The following PALLD variants were observed in gnomAD, a reference collection of about 807,000 sequenced individuals.
The protein encoded by PALLD is palladin.
A neutral mutation model predicts 123.5 loss-of-function variants in PALLD; 61 were observed. That is an observed-to-expected ratio of 0.49 (90% CI 0.40 to 0.61). PALLD has a LOEUF of 0.61. Among genes scored for constraint, PALLD ranks in the 20% least tolerant of loss-of-function variants. The pLI is 0.00. For synonymous variants in PALLD, 465 were observed against 496.4 expected (o/e 0.94, Z 0.84); for missense variants, 1,273 against 1,377.0 (o/e 0.92, Z 1.20).
intron 10 of PALLD, among the ~76,000 whole-genome samples, chr4:168,781,216 G>A (rs13134292): frequency 0.53 from 79,973 of 152,016 alleles, 22,055 homozygotes; most frequent in Non-Finnish European, 0.63. Flanking sequence ...AAAATTAGGA[G>A]AATTACTGGA....
intron 10 of PALLD, among the ~76,000 whole-genome samples, chr4:168,871,521 TTGTC>T (rs1751070170): frequency 1.3e-5 from 2 of 152,202 alleles, no homozygotes; most frequent in African/African-American, 2.4e-5. Context: ...AAAATGTACT[TTGTC>T]TATGTTAAGA....
intron 2 of PALLD, among the ~76,000 whole-genome samples, chr4:168,530,124 A>G (rs903277770): frequency 2.0e-5 from 3 of 152,222 alleles, no homozygotes; most frequent in African/African-American, 7.2e-5. Flanking sequence ...ATGTACTTTG[A>G]TAGAAATGGA....
At chr4:168,623,604 A>G (rs965531983) in intron 2 of PALLD, among the ~76,000 whole-genome samples, 1 of 152,248 alleles carries the variant, frequency 6.6e-6, no homozygotes, top group South Asian at 2.1e-4. Flanking sequence ...GAAGCCCTGT[A>G]CAAGAGAGAC....
chr4:168,596,982 A>G (rs911385293), intron 2 of PALLD, among the ~76,000 whole-genome samples: 1 of 152,092 alleles, frequency 6.6e-6, no homozygotes, highest in Non-Finnish European at 1.5e-5. Context: ...TAAAAATTGA[A>G]TATTTTTTAA....
chr4:168,546,845 AG>A (rs1766183472), intron 2 of PALLD, among the ~76,000 whole-genome samples: 1 of 152,176 alleles, frequency 6.6e-6, no homozygotes, highest in African/African-American at 2.4e-5. Context: ...GATACTATAA[AG>A]CAGCCTAGGT....
rs1296868831 is a variant in PALLD at position 168,850,581 on chromosome 4, C to G, written c.1965-40341C>G. Among the ~76,000 whole-genome samples, 3 of 110,306 alleles carry G rather than the reference C, an allele frequency of 2.7e-5. No individual in the cohort carries two copies. In the Admixed American group the frequency reaches 4.2e-4, roughly 15 times the overall value. 72.4% of individuals were successfully genotyped at this position (110,306 alleles called of 152,430 possible). A position where few individuals can be genotyped will look rare whatever the true frequency, so the allele number is the denominator to read the frequency against. ...TGGAGTTTTGCTTTTGTTGCCCAGGCTGGAGTGCAATGGTGCGATCTTGGC... is the reference window on the plus strand; with the variant it reads ...TGGAGTTTTGCTTTTGTTGCCCAGGGTGGAGTGCAATGGTGCGATCTTGGC... On this transcript the variant is annotated intron_variant, in intron 10 of 21. Coordinates refer to ENST00000505667, the MANE Select transcript of PALLD (RefSeq NM_001166108.2).
chr4:168,743,415 A>T (rs1055010397), intron 10 of PALLD, among the ~76,000 whole-genome samples: 1 of 149,312 alleles, frequency 6.7e-6, no homozygotes, highest in Admixed American at 6.7e-5. Flanking sequence ...TACTTTCGAG[A>T]TTTTTTTTTT....
chr4:168,776,134 A>G (rs900305202), intron 10 of PALLD, among the ~76,000 whole-genome samples: 13 of 152,242 alleles, frequency 8.5e-5, no homozygotes, highest in African/African-American at 2.9e-4. Context: ...GAACGTTGAC[A>G]TCTCAAAAAC....
At chr4:168,813,639 TTTAGAGTTG>T (rs1242073865) in intron 10 of PALLD, among the ~76,000 whole-genome samples, 2 of 152,126 alleles carry the variant, frequency 1.3e-5, no homozygotes, top group Non-Finnish European at 2.9e-5. Context: ...TAAAAAATGT[TTTAGAGTTG>T]GGGGTCTCAC....
At chr4:168,674,819 G>A (rs1780669151) in intron 3 of PALLD, among the ~76,000 whole-genome samples, 1 of 152,224 alleles carries the variant, frequency 6.6e-6, no homozygotes, top group African/African-American at 2.4e-5. Flanking sequence ...GCTGGTATCT[G>A]GAATGGAGCA....
chr4:168,826,054 A>G (rs1324000026), intron 10 of PALLD, among the ~76,000 whole-genome samples: 1 of 152,212 alleles, frequency 6.6e-6, no homozygotes, highest in Admixed American at 6.5e-5. Flanking sequence ...TCCACTGATA[A>G]CGGTATTTCA....
chr4:168,576,618 C>A (rs1769631351), intron 2 of PALLD, among the ~76,000 whole-genome samples: 1 of 152,140 alleles, frequency 6.6e-6, no homozygotes, highest in African/African-American at 2.4e-5. Flanking sequence ...GCCACATTTT[C>A]TTAATCCAGT....
In PALLD at chr4:168,745,433, G is replaced by T. The variant is rs543159279; in HGVS notation, c.1964+33510G>T. Among the ~76,000 whole-genome samples, 6 of 136,130 alleles carry T rather than the reference G, an allele frequency of 4.4e-5. No individual in the cohort carries two copies. In the East Asian group the frequency reaches 7.9e-4, roughly 18 times the overall value. 89.3% of individuals were successfully genotyped at this position (136,130 alleles called of 152,430 possible). On this transcript the variant is annotated intron_variant, in intron 10 of 21. Transcript: ENST00000505667. ...TTAGAGTCTGTGAGATGGGAGGGGG[G>T]GGCAAATAATGATTCATTCTCTTAA... is the stretch of plus-strand genomic sequence containing the variant.
intron 2 of PALLD, among the ~76,000 whole-genome samples, chr4:168,566,812 A>T (rs1334361659): frequency 6.6e-6 from 1 of 152,242 alleles, no homozygotes; most frequent in African/African-American, 2.4e-5. Flanking sequence ...GCATATTAAT[A>T]TAAACATTGG....
chr4:168,726,573 G>A (rs1480813624), intron 10 of PALLD, among the ~76,000 whole-genome samples: 2 of 151,814 alleles, frequency 1.3e-5, no homozygotes, highest in African/African-American at 4.8e-5. Context: ...TGTAGAGACA[G>A]GGTCTTGCTT....
chr4:168,616,316 T>C (rs1774223220), intron 2 of PALLD, among the ~76,000 whole-genome samples: 1 of 152,138 alleles, frequency 6.6e-6, no homozygotes, highest in African/African-American at 2.4e-5. Context: ...ATCAGAAAAA[T>C]ATTAAAGGAG....
At chr4:168,766,573 G>GT (rs2150475007) in intron 10 of PALLD, among the ~76,000 whole-genome samples, 1 of 152,298 alleles carries the variant, frequency 6.6e-6, no homozygotes, top group Non-Finnish European at 1.5e-5. Context: ...CGGAGAGCCT[G>GT]TTTCCTGAGA....
At chr4:168,732,777 A>G (rs1037896004) in intron 10 of PALLD, among the ~76,000 whole-genome samples, 1 of 152,228 alleles carries the variant, frequency 6.6e-6, no homozygotes, top group East Asian at 1.9e-4. Context: ...TAAAATACTT[A>G]TGATACAGAT....
intron 2 of PALLD, among the ~76,000 whole-genome samples, chr4:168,520,347 A>AGAGAGAGCG (rs11420544): frequency 0.051 from 4,302 of 83,716 alleles, 149 homozygotes; most frequent in East Asian, 0.19. Context: ...AAAAAAAAAA[A>AGAGAGAGCG]AGAGAGAGAG....
Sources: gnomAD v4.1 joint callset for allele counts (sites outside exome capture counted in the v4.1 genomes callset) on GRCh38, gnomAD v4.1.1 for gene constraint, MANE v1.5 for transcripts, NCBI Gene and HGNC (gene_info 2026-07-23, HGNC 2026-07-21) for gene names.